LONP1: variants seen among roughly 807,000 people sequenced by gnomAD.
The protein encoded by LONP1 is lon peptidase 1, mitochondrial, also known as lon protease homolog, mitochondrial.
A neutral mutation model predicts 98.5 loss-of-function variants in LONP1; 31 were observed. That is an observed-to-expected ratio of 0.31 (90% CI 0.24 to 0.42). LONP1 has a LOEUF of 0.42. LONP1 is among the 20% of genes least tolerant of loss of function. The pLI is 1.00. For synonymous variants in LONP1, 781 were observed against 594.7 expected (o/e 1.31, Z -4.56); for missense variants, 1,336 against 1,350.6 (o/e 0.99, Z 0.17).
intron 6 of LONP1, 100 bp downstream of exon 6, chr19:5,707,597 G>A (rs1347275612): frequency 2.3e-6 from 3 of 1,295,006 alleles, no homozygotes; most frequent in East Asian, 4.7e-5. Context: ...GCCAGGCATG[G>A]GGGAGCTGAG....
At chr19:5,713,844 TGCG>T (rs1568327486) in intron 2 of LONP1, among the ~76,000 whole-genome samples, 2 of 152,144 alleles carry the variant, frequency 1.3e-5, no homozygotes. Context: ...ATTACAGGTG[TGCG>T]ACCCCACGCC....
intron 7 of LONP1, 45 bp from the exon 8 acceptor site, chr19:5,706,037 G>C (rs1172995607): frequency 1.5e-6 from 2 of 1,376,544 alleles, no homozygotes; most frequent in Admixed American, 3.4e-5. Flanking sequence ...CCGGGAAGCT[G>C]GGTGGGTGGG....
rs759574028 is a variant in LONP1, at chr19:5,713,138, T to C, written c.634A>G (p.Arg212Gly). Residue 212 changes from arginine (R) to glycine (G), a missense_variant, in exon 3 of 18, where the codon AGA becomes GGA. Coordinates refer to ENST00000360614, the MANE Select transcript of LONP1 (RefSeq NM_004793.4). ...DKLRMIVMGH[R>G]RVHISRQLEV... ...TGTCCCCCGCCAGCCACCCACCTTC[T>C]GTGTCCCATGACGATCATGCGCAGC... 2 of 1,612,674 alleles carry C rather than the reference T, an allele frequency of 1.2e-6. No individual in the cohort carries two copies. The highest frequency in any genetic ancestry group is 1.7e-6 in the Non-Finnish European group (2 of 1,179,140).
At chr19:5,702,367 C>T (rs2055068520) in intron 8 of LONP1, among the ~76,000 whole-genome samples, 1 of 149,168 alleles carries the variant, frequency 6.7e-6, no homozygotes, top group African/African-American at 2.5e-5. Context: ...GGGGTCAGCC[C>T]CCCGCCCGGC....
chr19:5,699,312 G>T, intron 9 of LONP1, 107 bp from the exon 10 acceptor site: 3 of 901,706 alleles, frequency 3.3e-6, no homozygotes, highest in East Asian at 3.1e-5. Flanking sequence ...AGGGCTGCGA[G>T]AAGGGACCAG....
Position 5,692,759 on chromosome 19 carries a change from G to A in LONP1, c.2703+539C>T, listed in dbSNP as rs544533168. On this transcript the variant is annotated intron_variant, in intron 17 of 17. Coordinates refer to ENST00000360614, the MANE Select transcript of LONP1 (RefSeq NM_004793.4). The stretch of plus-strand genomic sequence containing the variant: ...CACCATTTTATCATCTAGGAAGTCT[G>A]TGCCTGGTGTCCAATTCAAGGTGGT... 2.9e-4 allele frequency among the ~76,000 whole-genome samples: 44 copies of A among 152,298 alleles called. No individual in the cohort carries two copies. In the South Asian group the frequency reaches 8.5e-3, roughly 29 times the overall value.
chr19:5,699,677 C>T lies in LONP1; in HGVS notation c.1507-472G>A, dbSNP rs534125797. Among the ~76,000 whole-genome samples, 4 of 151,766 alleles carry T rather than the reference C, an allele frequency of 2.6e-5. No individual in the cohort carries two copies. In the South Asian group the frequency reaches 8.3e-4, roughly 32 times the overall value. On this transcript the variant is annotated intron_variant, in intron 9 of 17. Transcript: ENST00000360614. The stretch of plus-strand genomic sequence containing the variant: ...GGTTCAAGCAATTCTCCTGCCTCAG[C>T]CTCCTGAGTAGCTGGGATTACAGGT...
intron 14 of LONP1, 25 bp from the exon 15 acceptor site, chr19:5,694,577 G>A: frequency 1.2e-6 from 2 of 1,608,392 alleles, no homozygotes; most frequent in Non-Finnish European, 1.7e-6. Context: ...CAACACAATG[G>A]GCACGGGAAG....
At chr19:5,717,390 A>C (rs1245876390) in intron 1 of LONP1, 2 of 152,204 alleles carry the variant, frequency 1.3e-5, no homozygotes, top group Non-Finnish European at 2.9e-5. Context: ...ATCCATTTTT[A>C]TGATTTACAA....
chr19:5,717,924 A>C (rs530518119), intron 1 of LONP1, among the ~76,000 whole-genome samples: 8 of 125,216 alleles, frequency 6.4e-5, no homozygotes, highest in Admixed American at 3.7e-4. Context: ...GACAGGGTCT[A>C]TGTTGACCAT....
intron 14 of LONP1, 57 bp from the exon 15 acceptor site, chr19:5,694,609 G>A (rs2145579423): frequency 6.3e-7 from 1 of 1,586,024 alleles, no homozygotes; most frequent in Non-Finnish European, 8.6e-7. Context: ...GGTGCGGGGT[G>A]GTGGGGTGAC....
intron 12 of LONP1, 35 bp downstream of exon 12, chr19:5,696,214 C>T (rs1168482411): frequency 6.2e-7 from 1 of 1,612,758 alleles, no homozygotes; most frequent in Non-Finnish European, 8.5e-7. Context: ...CGCTTACCCT[C>T]CCCAGCAAGC....
At chr19:5,701,270 C>G (rs1375776809) in intron 8 of LONP1, among the ~76,000 whole-genome samples, 1 of 152,206 alleles carries the variant, frequency 6.6e-6, no homozygotes, top group Non-Finnish European at 1.5e-5. Context: ...ACGGTGAAAC[C>G]CTGTCTCTAC....
Position 5,694,841 on chromosome 19 carries a change from A to G in LONP1, c.2074T>C (p.Ser692Pro), listed in dbSNP as rs1385676275. 1.2e-6 allele frequency: 2 copies of G among 1,604,464 alleles called. No individual in the cohort carries two copies. The highest frequency in any genetic ancestry group is 2.7e-5 in the African/African-American group (2 of 74,760). Residue 692 changes from serine to proline, a missense_variant, in exon 14 of 18, where the codon TCA (serine) becomes CCA (proline). Coordinates refer to ENST00000360614, the MANE Select transcript of LONP1 (RefSeq NM_004793.4). ...CGLDESKAKL[S>P]SDVLTLLIKQ... ...ATGAGCAGCGTCAGCACGTCCGATG[A>G]CAGCTTGGCCTTGCTCTCATCCAAG... is the stretch of plus-strand genomic sequence containing the variant.
chr19:5,708,468 G>GGGGGGGGGGGGGGGGGGA, intron 4 of LONP1, 65 bp from the exon 5 acceptor site: 2 of 551,266 alleles, frequency 3.6e-6, no homozygotes, highest in East Asian at 4.7e-5. Flanking sequence ...GGCTGGGTGG[G>GGGGGGGGGGGGGGGGGGA]AGCATGGCCC....
chr19:5,700,672 C>T lies in LONP1; in HGVS notation c.1506+117G>A, dbSNP rs535492244. ...TCCGCCGGGATCCCCCCGACCAGCA[C>T]CCCCAGGCCTACGAATTCACCAGGG... On this transcript the variant is annotated intron_variant, in intron 9 of 17. Transcript: ENST00000360614. The T allele has an allele frequency of 5.7e-6, 8 of 1,408,908 alleles. No homozygotes were observed. The African/African-American group carries it at 9.9e-5, about 18-fold the overall frequency. 87.3% of individuals were successfully genotyped at this position (1,408,908 alleles called of 1,614,324 possible).
chr19:5,714,036 C>G, intron 2 of LONP1, 147 bp downstream of exon 2: 1 of 592,734 alleles, frequency 1.7e-6, no homozygotes, highest in South Asian at 2.2e-5. Context: ...GAAAAGGTAG[C>G]CTGCGTGGCT....
At chr19:5,693,809 AGCCCAG>A (rs773526647) in intron 15 of LONP1, 40 bp from the exon 16 acceptor site, 225 of 1,564,844 alleles carry the variant, frequency 1.4e-4, no homozygotes, top group Non-Finnish European at 1.8e-4. Context: ...GAGGCCTCGG[AGCCCAG>A]GCCGGTGCTC....
intron 10 of LONP1, 55 bp from the exon 11 acceptor site, chr19:5,696,812 G>T: frequency 8.1e-7 from 1 of 1,229,458 alleles, no homozygotes; most frequent in South Asian, 1.2e-5. Context: ...CGGCCACAAC[G>T]ACACCATGCA....
Sources: gnomAD v4.1 joint callset for allele counts (sites outside exome capture counted in the v4.1 genomes callset) on GRCh38, gnomAD v4.1.1 for gene constraint, MANE v1.5 for transcripts, NCBI Gene and HGNC (gene_info 2026-07-23, HGNC 2026-07-21) for gene names.